The following BMX variants were observed in gnomAD, a reference collection of about 807,000 sequenced individuals.
BMX encodes the protein BMX non-receptor tyrosine kinase, also known as cytoplasmic tyrosine-protein kinase BMX.
In BMX, 31 loss-of-function variants were observed where a neutral mutation model predicts 59.2. The ratio of observed to expected loss-of-function variants is 0.52; its 90% CI spans 0.39 to 0.71. The LOEUF (loss-of-function observed/expected upper bound fraction) is 0.71, where lower values mean the gene tolerates loss of function less well. BMX is among the 30% of genes least tolerant of loss of function. The pLI is 0.00. For synonymous variants in BMX, 185 were observed against 181.0 expected (o/e 1.02, Z -0.18); for missense variants, 474 against 491.7 (o/e 0.96, Z 0.34).
chrX:15,527,267 TATATATATATATATATACACAC>T (rs1924817793), intron 9 of BMX, among the ~76,000 whole-genome samples: 1 of 31,837 alleles, frequency 3.1e-5, no homozygotes, highest in African/African-American at 1.3e-4. Context: ...TATATATATA[TATATATATATATATATACACAC>T]ACACACACAC....
In BMX at chrX:15,526,117, G is replaced by T. The variant is rs377742632; in HGVS notation, c.884+22G>T. ...ATGAGTGAGTATTGAAAGTCTTCTG[G>T]GTTCTTCTAAAATTAGACATAGATA... On this transcript the variant is annotated intron_variant, in intron 9 of 18. Coordinates refer to ENST00000348343, the MANE Select transcript of BMX (RefSeq NM_203281.3). The T allele has an allele frequency of 1.4e-5, 17 of 1,176,876 alleles. No individual in the cohort carries two copies. In the South Asian group the frequency reaches 3.2e-4, roughly 22 times the overall value.
intron 7 of BMX, 48 bp from the exon 8 acceptor site, chrX:15,525,240 A>C (rs1365509715): frequency 9.2e-6 from 10 of 1,089,413 alleles, no homozygotes; most frequent in Non-Finnish European, 1.1e-5. Flanking sequence ...TTTAAAATTT[A>C]TAAGTAGACA....
chrX:15,531,222 TA>T, intron 10 of BMX, 105 bp from the exon 11 acceptor site: 1 of 651,647 alleles, frequency 1.5e-6, no homozygotes, highest in African/African-American at 2.2e-5. Flanking sequence ...TTGTGATATA[TA>T]AAGTCAATCT....
Position 15,503,555 on chromosome X carries a change from G to A in BMX, c.-10+2615G>A, listed in dbSNP as rs142302484. Reference sequence around the variant, plus strand: ...CAGGGCCATGCCTCTTAGGTCACTGGTTAACAGTACTGGCTAAGTCACTTA... The same window carrying A: ...CAGGGCCATGCCTCTTAGGTCACTGATTAACAGTACTGGCTAAGTCACTTA... On this transcript the variant is annotated intron_variant, in intron 1 of 18. Transcript: ENST00000348343. 4.8e-3 allele frequency among the ~76,000 whole-genome samples: 538 copies of A among 112,167 alleles called. 2 individuals are homozygous for A. Among genetic ancestry groups the A allele is most frequent in the Middle Eastern group, 0.018 (4 of 217 alleles).
intron 7 of BMX, 40 bp downstream of exon 7, chrX:15,522,627 G>A: frequency 8.3e-7 from 1 of 1,202,039 alleles, no homozygotes; most frequent in Middle Eastern, 2.4e-4. Flanking sequence ...AGCATGTAGA[G>A]TAAACACTAC....
intron 16 of BMX, among the ~76,000 whole-genome samples, chrX:15,546,561 C>T (rs754199286): frequency 1.5e-4 from 17 of 112,001 alleles, no homozygotes; most frequent in Admixed American, 7.6e-4. Flanking sequence ...TTTATCTTTA[C>T]TTTTTTGTGT....
chrX:15,501,087 G>A, intron 1 of BMX, 147 bp downstream of exon 1: 1 of 470,297 alleles, frequency 2.1e-6, no homozygotes. Context: ...GAAATTGCCA[G>A]GGCTTTCTCT....
chrX:15,555,185 T>C (rs760573545), intron 18 of BMX, among the ~76,000 whole-genome samples: 41 of 102,212 alleles, frequency 4.0e-4, no homozygotes, highest in African/African-American at 1.3e-3. Flanking sequence ...CTTGTCCTAG[T>C]CTAGAACGAG....
At chrX:15,527,283 TACACACACACACACACAC>T (rs1215070031) in intron 9 of BMX, among the ~76,000 whole-genome samples, 1 of 65,854 alleles carries the variant, frequency 1.5e-5, no homozygotes. Flanking sequence ...TATATATATA[TACACACACACACACACAC>T]ATATATATAT....
At chrX:15,529,049 C>T (rs759958648) in intron 9 of BMX, among the ~76,000 whole-genome samples, 6 of 111,771 alleles carry the variant, frequency 5.4e-5, no homozygotes, top group Middle Eastern at 4.2e-3. Flanking sequence ...CAAGATCAAC[C>T]CTCTCCCTAG....
At chrX:15,529,725 C>T (rs781764177) in intron 9 of BMX, among the ~76,000 whole-genome samples, 120 of 111,968 alleles carry the variant, frequency 1.1e-3, no homozygotes, top group African/African-American at 3.8e-3. Flanking sequence ...TAGAAGAAAA[C>T]CAAAGATTCC....
chrX:15,505,641 G>C (rs962473687), intron 1 of BMX, among the ~76,000 whole-genome samples: 17 of 112,057 alleles, frequency 1.5e-4, no homozygotes, highest in African/African-American at 5.5e-4. Context: ...AATGTATAAA[G>C]GGCAGGATTT....
chrX:15,542,093 G>C lies in BMX; in HGVS notation c.1506G>C (p.Arg502Ser). 8.3e-7 allele frequency: 1 copy of C among 1,211,466 alleles called. No homozygotes were observed. The highest frequency in any genetic ancestry group is 1.1e-6 in the Non-Finnish European group (1 of 895,208). The stretch of plus-strand genomic sequence containing the variant: ...ATGGCTGCTTGCTGAATTACCTGAG[G>C]AGTCACGGAAAAGGACTTGAACCTT... ...ISNGCLLNYLRSHGKGLEPSQ... is the reference protein window; with the variant it reads ...ISNGCLLNYLSSHGKGLEPSQ... Residue 502 changes from arginine (R) to serine (S), a missense_variant, in exon 15 of 19, where the codon AGG becomes AGC. Coordinates refer to ENST00000348343, the MANE Select transcript of BMX (RefSeq NM_203281.3).
chrX:15,552,924 G>A (rs1926263168), intron 18 of BMX, among the ~76,000 whole-genome samples: 1 of 112,519 alleles, frequency 8.9e-6, no homozygotes, highest in Non-Finnish European at 1.9e-5. Flanking sequence ...TGCTGTGTGA[G>A]TTTAGAAAAA....
intron 1 of BMX, among the ~76,000 whole-genome samples, chrX:15,502,102 T>C (rs1923590227): frequency 8.9e-6 from 1 of 111,951 alleles, no homozygotes. Context: ...CCATTTTCTC[T>C]TGACTACTTG....
At chrX:15,512,249 C>T (rs1460054391) in intron 4 of BMX, among the ~76,000 whole-genome samples, 1 of 111,871 alleles carries the variant, frequency 8.9e-6, no homozygotes. Flanking sequence ...GTATTTCCCT[C>T]TGTGATATTT....
chrX:15,549,728 T>C, intron 17 of BMX, 112 bp from the exon 18 acceptor site: 2 of 909,610 alleles, frequency 2.2e-6, no homozygotes, highest in Non-Finnish European at 3.0e-6. Flanking sequence ...GATCCCTCAC[T>C]CTGACCCATA....
chrX:15,503,932 G>T (rs1923653403), intron 1 of BMX, among the ~76,000 whole-genome samples: 1 of 111,901 alleles, frequency 8.9e-6, no homozygotes, highest in Admixed American at 9.4e-5. Context: ...ATATCCCATA[G>T]GGTGGGGGTG....
chrX:15,508,020 T>A (rs1923806184), intron 1 of BMX, among the ~76,000 whole-genome samples: 1 of 111,763 alleles, frequency 8.9e-6, no homozygotes, highest in African/African-American at 3.3e-5. Context: ...AACCAACACA[T>A]ATAGAATGTT....
Sources: gnomAD v4.1 joint callset for allele counts (sites outside exome capture counted in the v4.1 genomes callset) on GRCh38, gnomAD v4.1.1 for gene constraint, MANE v1.5 for transcripts, NCBI Gene and HGNC (gene_info 2026-07-23, HGNC 2026-07-21) for gene names.